The following XPNPEP3 variants were observed in gnomAD, a reference collection of about 807,000 sequenced individuals.
XPNPEP3 encodes X-prolyl aminopeptidase 3, also known as xaa-Pro aminopeptidase 3.
XPNPEP3 carries 41 observed loss-of-function variants against 60.0 expected under a neutral mutation model. That is an observed-to-expected ratio of 0.68 (90% CI 0.53 to 0.89). XPNPEP3 has a LOEUF of 0.89. Among genes scored for constraint, XPNPEP3 ranks in the 40% least tolerant of loss-of-function variants. XPNPEP3 has a pLI of 0.00. For missense variants in XPNPEP3, 598 were observed against 638.9 expected (o/e 0.94, Z 0.69); for synonymous variants, 212 against 223.2 (o/e 0.95, Z 0.45).
chr22:40,882,389 C>A (rs1036787337), intron 3 of XPNPEP3, among the ~76,000 whole-genome samples: 1 of 152,192 alleles, frequency 6.6e-6, no homozygotes, highest in Non-Finnish European at 1.5e-5. Flanking sequence ...GTAATCCCAG[C>A]ACTTTGGGAG....
chr22:40,922,747 T>C (rs553893472), intron 8 of XPNPEP3, among the ~76,000 whole-genome samples: 2,061 of 144,594 alleles, frequency 0.014, 39 homozygotes, highest in African/African-American at 0.052. Context: ...CACACACACA[T>C]ATATATATAC....
intron 2 of XPNPEP3, among the ~76,000 whole-genome samples, chr22:40,879,273 C>G (rs555578917): frequency 6.6e-6 from 1 of 152,302 alleles, no homozygotes; most frequent in African/African-American, 2.4e-5. Flanking sequence ...ATCACTCTCT[C>G]TTATTTCTTG....
chr22:40,881,704 T>C lies in XPNPEP3; in HGVS notation c.182-66T>C, dbSNP rs879198551. On this transcript the variant is annotated intron_variant, in intron 2 of 9. Coordinates refer to ENST00000357137, the MANE Select transcript of XPNPEP3 (RefSeq NM_022098.4). ...TGGACTTGAGTATTTCCATCTAATA[T>C]TAAACTACCTTAAGTACTTTGGCAC... 2.1e-5 allele frequency: 33 copies of C among 1,569,538 alleles called. No homozygotes were observed. The South Asian group carries it at 3.4e-4, about 16-fold the overall frequency.
chr22:40,914,813 C>A (rs908746738), intron 7 of XPNPEP3, among the ~76,000 whole-genome samples: 2 of 151,712 alleles, frequency 1.3e-5, no homozygotes, highest in South Asian at 2.1e-4. Context: ...TTGGATTAAT[C>A]CTCCATAGAT....
intron 1 of XPNPEP3, among the ~76,000 whole-genome samples, chr22:40,866,057 A>G (rs2057977043): frequency 6.6e-6 from 1 of 152,246 alleles, no homozygotes; most frequent in South Asian, 2.1e-4. Flanking sequence ...TTTATTTCCA[A>G]TAAATATCTC....
chr22:40,911,533 T>G (rs2058177182), intron 6 of XPNPEP3, among the ~76,000 whole-genome samples: 1 of 151,788 alleles, frequency 6.6e-6, no homozygotes, highest in Admixed American at 6.6e-5. Context: ...GGCATTTTCT[T>G]TCTTCTTGCT....
At chr22:40,901,623 C>T (rs1310567809) in intron 4 of XPNPEP3, among the ~76,000 whole-genome samples, 1 of 152,166 alleles carries the variant, frequency 6.6e-6, no homozygotes, top group Non-Finnish European at 1.5e-5. Flanking sequence ...GAGCTACTTG[C>T]GCTACCACGC....
rs752602313 is a variant in XPNPEP3, at chr22:40,914,235, C to T, written c.970-4C>T. On this transcript the variant is annotated splice_polypyrimidine_tract_variant and splice_region_variant and intron_variant, in intron 6 of 9. Transcript: ENST00000357137. ...CCACTTTAACCTGTCTTACTTTGTTCCAGGATGGGGAAATGGTGCTTCTGG... is the reference window on the plus strand; with the variant it reads ...CCACTTTAACCTGTCTTACTTTGTTTCAGGATGGGGAAATGGTGCTTCTGG... The T allele has an allele frequency of 2.0e-5, 33 of 1,613,022 alleles. No homozygotes were observed. The highest frequency in any genetic ancestry group is 1.6e-4 in the Middle Eastern group (1 of 6,078).
At chr22:40,859,173 G>A (rs1268051109) in intron 1 of XPNPEP3, among the ~76,000 whole-genome samples, 1 of 152,202 alleles carries the variant, frequency 6.6e-6, no homozygotes, top group Admixed American at 6.5e-5. Context: ...CCCTGGAACA[G>A]ATTTTGGGAG....
intron 6 of XPNPEP3, among the ~76,000 whole-genome samples, chr22:40,912,298 G>A (rs918928561): frequency 6.6e-6 from 1 of 152,056 alleles, no homozygotes; most frequent in African/African-American, 2.4e-5. Flanking sequence ...ACCTAATAAT[G>A]GAATTGCTGG....
At position 40,922,453 on chromosome 22, in the gene XPNPEP3, A is replaced by C; in HGVS notation, c.1176A>C (p.Ile392=). The change falls in exon 8 of 10, where the codon ATA becomes ATC. Residue 392 remains isoleucine, a synonymous_variant. Transcript: ENST00000357137. ...ENIYSMMLTL[I]GQKLKDLGIM... The stretch of plus-strand genomic sequence containing the variant: ...TCTACAGCATGATGCTGACCCTGAT[A>C]GGACAGAAGCTTAAAGACTTGGGGA... The C allele has an allele frequency of 6.2e-7, 1 of 1,614,026 alleles. No individual in the cohort carries two copies. Among genetic ancestry groups the C allele is most frequent in the Non-Finnish European group, 8.5e-7 (1 of 1,179,964 alleles).
rs2058258568 is a variant in XPNPEP3 at position 40,932,603 on chromosome 22, C to A, written c.*6168C>A. On this transcript the variant is annotated 3_prime_UTR_variant, in exon 10 of 10. Transcript: ENST00000357137. ...AGAGGACCCACTGGAATCAAGGCTTCTTGGAATTGCGCAAGAATCTGAGAA... is the reference window on the plus strand; with the variant it reads ...AGAGGACCCACTGGAATCAAGGCTTATTGGAATTGCGCAAGAATCTGAGAA... 1 of 152,106 alleles carries A rather than the reference C, an allele frequency of 6.6e-6. No individual in the cohort carries two copies. Among genetic ancestry groups the A allele is most frequent in the Non-Finnish European group, 1.5e-5 (1 of 68,034 alleles). 9.4% of individuals were successfully genotyped at this position (152,106 alleles called of 1,614,324 possible).
intron 4 of XPNPEP3, among the ~76,000 whole-genome samples, chr22:40,900,779 A>C (rs1449577940): frequency 6.6e-6 from 1 of 151,946 alleles, no homozygotes; most frequent in Non-Finnish European, 1.5e-5. Context: ...AAATACAAAA[A>C]TAAGTTAGCT....
intron 1 of XPNPEP3, chr22:40,860,789 T>C: frequency 1.5e-6 from 1 of 667,470 alleles, no homozygotes; most frequent in Non-Finnish European, 2.5e-6. Context: ...TAGCTGGGAC[T>C]ACAGGTGCAC....
chr22:40,887,297 C>G (rs962255375), intron 4 of XPNPEP3, among the ~76,000 whole-genome samples: 1 of 152,138 alleles, frequency 6.6e-6, no homozygotes, highest in African/African-American at 2.4e-5. Flanking sequence ...CTTCTCTGGT[C>G]CTCCCTAGGT....
Position 40,882,194 on chromosome 22 carries a change from G to T in XPNPEP3, c.589+17G>T, listed in dbSNP as rs768961649. 6.2e-6 allele frequency: 10 copies of T among 1,613,658 alleles called. No homozygotes were observed. The highest frequency in any genetic ancestry group is 8.5e-6 in the Non-Finnish European group (10 of 1,179,962). On this transcript the variant is annotated intron_variant, in intron 3 of 9. Transcript: ENST00000357137. ...AAATGAAAGGTAACAAATGGGAGCAGAAGTCACATTACAAACCAGATTGGG... is the reference window on the plus strand; with the variant it reads ...AAATGAAAGGTAACAAATGGGAGCATAAGTCACATTACAAACCAGATTGGG...
At position 40,881,297 on chromosome 22, in the gene XPNPEP3, C is replaced by A. The variant is rs563104613; in HGVS notation, c.182-473C>A. Among the ~76,000 whole-genome samples, 6 of 152,042 alleles carry A rather than the reference C, an allele frequency of 3.9e-5. No individual in the cohort carries two copies. The South Asian group carries it at 1.2e-3, about 32-fold the overall frequency. ...CTCCTGACCTCAGGTGATCTGCCTG[C>A]CTTGGCCTCCCAAAGTGCTGGGATT... On this transcript the variant is annotated intron_variant, in intron 2 of 9. Coordinates refer to ENST00000357137, the MANE Select transcript of XPNPEP3 (RefSeq NM_022098.4).
At position 40,889,215 on chromosome 22, in the gene XPNPEP3, G is replaced by A. The variant is rs1470366570; in HGVS notation, c.792+2700G>A. On this transcript the variant is annotated intron_variant, in intron 4 of 9. Transcript: ENST00000357137. ...CTGTTTTTAGGTTTTTGTAGAGATGGGGTGTCACTATATTATCCAGGCTGG... is the reference window on the plus strand; with the variant it reads ...CTGTTTTTAGGTTTTTGTAGAGATGAGGTGTCACTATATTATCCAGGCTGG... 3.9e-5 allele frequency among the ~76,000 whole-genome samples: 6 copies of A among 151,934 alleles called. No individual in the cohort carries two copies. In the South Asian group the frequency reaches 1.2e-3, roughly 32 times the overall value.
chr22:40,857,325 GC>G, intron 1 of XPNPEP3, 80 bp downstream of exon 1: 2 of 1,503,496 alleles, frequency 1.3e-6, no homozygotes, highest in Non-Finnish European at 1.8e-6. Flanking sequence ...CCCTGGTTCG[GC>G]TGACCCTTCT....
Sources: gnomAD v4.1 joint callset for allele counts (sites outside exome capture counted in the v4.1 genomes callset) on GRCh38, gnomAD v4.1.1 for gene constraint, MANE v1.5 for transcripts, NCBI Gene and HGNC (gene_info 2026-07-23, HGNC 2026-07-21) for gene names.